The following LITAF variants were observed in gnomAD, a reference collection of about 807,000 sequenced individuals.
LITAF encodes the protein lipopolysaccharide induced TNF factor.
Under a neutral mutation model 14.5 loss-of-function variants are expected in LITAF, and 9 were observed. The observed-to-expected ratio is 0.62, with a 90% CI of 0.37 to 1.08. LITAF has a LOEUF of 1.08. LITAF is among the 50% of genes least tolerant of loss of function. The pLI is 0.01. For synonymous variants in LITAF, 98 were observed against 88.2 expected (o/e 1.11, Z -0.62); for missense variants, 206 against 213.4 (o/e 0.97, Z 0.22).
chr16:11,571,345 G>A (rs890707665), intron 1 of LITAF, among the ~76,000 whole-genome samples: 1 of 152,174 alleles, frequency 6.6e-6, no homozygotes, highest in Admixed American at 6.5e-5. Context: ...GGGATTACAG[G>A]CGTGAGCCAC....
upstream of LITAF, among the ~76,000 whole-genome samples, chr16:11,589,843 C>G (rs2064837459): frequency 6.6e-6 from 1 of 151,800 alleles, no homozygotes; most frequent in Non-Finnish European, 1.5e-5. Flanking sequence ...AGACTGGTCT[C>G]AAACTCCTGG....
intron 1 of LITAF, among the ~76,000 whole-genome samples, chr16:11,562,695 G>C (rs1478519295): frequency 6.6e-6 from 1 of 152,174 alleles, no homozygotes. Flanking sequence ...CCAAGAGTTT[G>C]AGACCAGTCT....
upstream of LITAF, among the ~76,000 whole-genome samples, chr16:11,603,288 T>C (rs1209787178): frequency 6.6e-6 from 1 of 152,176 alleles, no homozygotes; most frequent in African/African-American, 2.4e-5. Flanking sequence ...TTAACAATCT[T>C]TTAGAAAAAA....
intron 1 of LITAF, among the ~76,000 whole-genome samples, chr16:11,563,156 T>TAA (rs1491307316): frequency 4.9e-5 from 3 of 61,682 alleles, no homozygotes; most frequent in African/African-American, 8.7e-5. Context: ...ATAATAATAA[T>TAA]TTTTTTTTTT....
At chr16:11,637,638 A>T (rs896406160), upstream of LITAF, among the ~76,000 whole-genome samples, 3 of 152,142 alleles carry the variant, frequency 2.0e-5, no homozygotes, top group Admixed American at 2.0e-4. Context: ...TCACGCCTAT[A>T]TTCCCAGCTG....
In LITAF at chr16:11,556,556, G is replaced by A. The variant is rs763382855; in HGVS notation, c.175C>T (p.Pro59Ser). The A allele has an allele frequency of 1.9e-6, 3 of 1,614,176 alleles. No individual in the cohort carries two copies. Among genetic ancestry groups the A allele is most frequent in the South Asian group, 1.1e-5 (1 of 91,082 alleles). The change falls in exon 2 of 4, where the codon CCT becomes TCT. Residue 59 changes from proline to serine, a missense_variant. Transcript: ENST00000622633. ...GGCGCTGGCTGGGTATAATACGAAG[G>A]AGGATTCATGCCCTTCCCATCAGGC... is the stretch of plus-strand genomic sequence containing the variant. Reference protein sequence around the residue: ...TGPDGKGMNPPSYYTQPAPIP... With the variant: ...TGPDGKGMNPSSYYTQPAPIP...
chr16:11,599,963 T>C (rs558342403), upstream of LITAF, among the ~76,000 whole-genome samples: 1 of 152,190 alleles, frequency 6.6e-6, no homozygotes, highest in East Asian at 1.9e-4. Context: ...CCCTGTCACC[T>C]TTTTCTGTTG....
chr16:11,632,430 T>C lies in LITAF; in HGVS notation c.85+1103A>G, dbSNP rs1251845614. Among the ~76,000 whole-genome samples the C allele has an allele frequency of 6.6e-6, 1 of 150,822 alleles. No individual in the cohort carries two copies. Among genetic ancestry groups the C allele is most frequent in the East Asian group, 1.9e-4 (1 of 5,148 alleles). On this transcript the variant is annotated intron_variant, in intron 3 of 3. Transcript: ENST00000574848. The surrounding 1 kb of genome is among the most constrained non-coding windows in gnomAD (Gnocchi z 4.8). Reference sequence around the variant, plus strand: ...GGGAGAGGGACAGAGAGGGCTACTATGCTCCACTGTCTGCTGGAAACCCTG... The same window carrying C: ...GGGAGAGGGACAGAGAGGGCTACTACGCTCCACTGTCTGCTGGAAACCCTG...
intron 1 of LITAF, among the ~76,000 whole-genome samples, chr16:11,583,302 T>A (rs2064766244): frequency 6.6e-6 from 1 of 152,224 alleles, no homozygotes; most frequent in Non-Finnish European, 1.5e-5. Context: ...CACAGTGATT[T>A]GTGGAATGGA....
intron 3 of LITAF, among the ~76,000 whole-genome samples, chr16:11,624,242 A>G (rs1228818947): frequency 6.6e-6 from 1 of 152,198 alleles, no homozygotes; most frequent in African/African-American, 2.4e-5. Context: ...GAGGGCCCCC[A>G]GCAGTTCCAG....
At chr16:11,618,706 C>A (rs1270124751) in intron 3 of LITAF, among the ~76,000 whole-genome samples, 1 of 152,138 alleles carries the variant, frequency 6.6e-6, no homozygotes, top group African/African-American at 2.4e-5. Flanking sequence ...CCGCACTGGC[C>A]GGCCGCGGGG....
chr16:11,578,921 G>C (rs1387021350), intron 1 of LITAF, among the ~76,000 whole-genome samples: 1 of 152,234 alleles, frequency 6.6e-6, no homozygotes, highest in Non-Finnish European at 1.5e-5. Context: ...GGGCACAGTG[G>C]CTCATGCCTA....
At chr16:11,612,662 C>A (rs772543323) in intron 3 of LITAF, among the ~76,000 whole-genome samples, 4 of 152,200 alleles carry the variant, frequency 2.6e-5, no homozygotes, top group Non-Finnish European at 1.5e-5. Flanking sequence ...CTTCCCACCC[C>A]ACTCCCAGCC....
chr16:11,602,713 C>T (rs138179378), upstream of LITAF, among the ~76,000 whole-genome samples: 5 of 150,706 alleles, frequency 3.3e-5, no homozygotes, highest in African/African-American at 4.9e-5. Context: ...TATACGAGTG[C>T]CCGTGTGTAC....
intron 3 of LITAF, among the ~76,000 whole-genome samples, chr16:11,606,307 T>A (rs11075003): frequency 6.6e-6 from 1 of 151,800 alleles, no homozygotes; most frequent in Non-Finnish European, 1.5e-5. Flanking sequence ...TAGCTGGGAC[T>A]ACAGGCACGC....
chr16:11,569,221 A>G (rs2064504449), intron 1 of LITAF, among the ~76,000 whole-genome samples: 1 of 152,116 alleles, frequency 6.6e-6, no homozygotes, highest in Admixed American at 6.6e-5. Flanking sequence ...TACAGGCTGG[A>G]CATCTCTGCC....
intron 1 of LITAF, among the ~76,000 whole-genome samples, chr16:11,566,768 T>C (rs868714448): frequency 9.3e-5 from 14 of 149,868 alleles, no homozygotes; most frequent in Middle Eastern, 6.8e-3. Context: ...GGGGGGCGCA[T>C]GGACAGAGGA....
In LITAF at chr16:11,574,886, T is replaced by TCTAG. The variant is rs111480804; in HGVS notation, c.-6+11999_-6+12000insCTAG. Among the ~76,000 whole-genome samples the TCTAG allele has an allele frequency of 3.5e-3, 535 of 151,676 alleles. 6 individuals are homozygous for TCTAG. The highest frequency in any genetic ancestry group is 0.012 in the African/African-American group (512 of 41,342). On this transcript the variant is annotated intron_variant, in intron 1 of 3. Transcript: ENST00000622633. ...GGCGTGACCTTGGCTCACTGCAACC[T>TCTAG]CTGCCTCCCAGGTTCAAGCGATTCT...
At chr16:11,610,031 G>A (rs963154193) in intron 3 of LITAF, among the ~76,000 whole-genome samples, 6 of 152,226 alleles carry the variant, frequency 3.9e-5, no homozygotes, top group African/African-American at 1.4e-4. Context: ...AATCTCTGCA[G>A]CCTTCAATCC....
Sources: allele counts gnomAD v4.1 joint callset (sites outside exome capture counted in the v4.1 genomes callset), GRCh38; gene constraint gnomAD v4.1.1; non-coding constraint Gnocchi (gnomAD v3.1); transcripts MANE v1.5; gene names NCBI Gene and HGNC (gene_info 2026-07-23, HGNC 2026-07-21).